The following SYN3 variants were observed in gnomAD, a reference collection of about 807,000 sequenced individuals.
The protein encoded by SYN3 is synapsin III, also known as synapsin-3.
SYN3 carries 35 observed loss-of-function variants against 65.8 expected under a neutral mutation model. That is an observed-to-expected ratio of 0.53 (90% CI 0.41 to 0.70). The LOEUF (loss-of-function observed/expected upper bound fraction) is 0.70. Ranked by LOEUF, SYN3 falls within the 30% of genes least tolerant of loss-of-function variation. SYN3 has a pLI of 0.00. For missense variants in SYN3, 680 were observed against 749.0 expected (o/e 0.91, Z 1.08); for synonymous variants, 270 against 292.9 (o/e 0.92, Z 0.80).
chr22:32,810,287 G>A (rs2046882294), intron 6 of SYN3, among the ~76,000 whole-genome samples: 1 of 152,176 alleles, frequency 6.6e-6, no homozygotes, highest in African/African-American at 2.4e-5. Context: ...TGGCTTTGCT[G>A]TCACAGAAGG....
rs567817394 is a variant in SYN3, at chr22:32,859,343, C to T, written c.711+5572G>A. 58 of 1,612,964 alleles carry T rather than the reference C, an allele frequency of 3.6e-5. No homozygotes were observed. The highest frequency in any genetic ancestry group is 2.2e-4 in the Admixed American group (13 of 60,018). On this transcript the variant is annotated intron_variant, in intron 6 of 13. Coordinates refer to ENST00000358763, the MANE Select transcript of SYN3 (RefSeq NM_003490.4). Reference sequence around the variant, plus strand: ...AGCTGGTACCGAGGATGGGCCCCCCCGGATAAAAGCATCATCAATGCCACA... The same window carrying T: ...AGCTGGTACCGAGGATGGGCCCCCCTGGATAAAAGCATCATCAATGCCACA...
chr22:32,994,862 G>A (rs1031273568), intron 2 of SYN3, among the ~76,000 whole-genome samples: 1 of 152,262 alleles, frequency 6.6e-6, no homozygotes. Flanking sequence ...GCAATTAATT[G>A]TTAATAACAG....
chr22:32,707,180 C>T lies in SYN3; in HGVS notation c.712-110444G>A, dbSNP rs556713148. 8.3e-4 allele frequency among the ~76,000 whole-genome samples: 127 copies of T among 152,208 alleles called. 1 individual carries two copies. Among genetic ancestry groups the T allele is most frequent in the Admixed American group, 3.1e-3 (47 of 15,292 alleles). ...GATGGGTAATGAATGAATGAGAGAA[C>T]GCATAAAGACTCTCAGTCCCAGACT... On this transcript the variant is annotated intron_variant, in intron 6 of 13. Transcript: ENST00000358763.
intron 6 of SYN3, among the ~76,000 whole-genome samples, chr22:32,703,201 G>C (rs548778326): frequency 6.6e-6 from 1 of 152,232 alleles, no homozygotes; most frequent in Admixed American, 6.5e-5. Flanking sequence ...TTTTCCTTAA[G>C]AGGTAGACTT....
intron 3 of SYN3, among the ~76,000 whole-genome samples, chr22:32,978,570 CT>C (rs2052278078): frequency 6.6e-6 from 1 of 152,160 alleles, no homozygotes; most frequent in Non-Finnish European, 1.5e-5. Flanking sequence ...CCTATCCATT[CT>C]TTGATCTATT....
intron 6 of SYN3, among the ~76,000 whole-genome samples, chr22:32,826,875 C>G (rs906111490): frequency 2.0e-5 from 3 of 152,160 alleles, no homozygotes; most frequent in African/African-American, 4.8e-5. Flanking sequence ...TGTGACAACC[C>G]TAGGAGCCTG....
In SYN3 at chr22:32,874,241, T is replaced by C. The variant is rs571133905; in HGVS notation, c.462-5116A>G. Among the ~76,000 whole-genome samples, 14 of 152,350 alleles carry C rather than the reference T, an allele frequency of 9.2e-5. No homozygotes were observed. In the East Asian group the frequency reaches 2.1e-3, roughly 23 times the overall value. On this transcript the variant is annotated intron_variant, in intron 4 of 13. Transcript: ENST00000358763. Reference sequence around the variant, plus strand: ...GCCCAAGACCTGGGTCTCTCGTGCCTGGGTAAGGTCTCCTTTAATCTCACA... The same window carrying C: ...GCCCAAGACCTGGGTCTCTCGTGCCCGGGTAAGGTCTCCTTTAATCTCACA...
chr22:32,921,001 A>T (rs1307095812), intron 4 of SYN3, among the ~76,000 whole-genome samples: 1 of 152,002 alleles, frequency 6.6e-6, no homozygotes, highest in Non-Finnish European at 1.5e-5. Context: ...TAGAAATTCT[A>T]TTCTCTCCTT....
chr22:32,555,264 G>C (rs1461256578), intron 7 of SYN3, among the ~76,000 whole-genome samples: 1 of 152,196 alleles, frequency 6.6e-6, no homozygotes, highest in Non-Finnish European at 1.5e-5. Context: ...AAGGCTAATA[G>C]GGAATAATGC....
chr22:32,726,139 G>A (rs1341071204), intron 6 of SYN3, among the ~76,000 whole-genome samples: 1 of 128,698 alleles, frequency 7.8e-6, no homozygotes, highest in Non-Finnish European at 1.6e-5. Context: ...TAGTAATCCA[G>A]TATAGATTTT....
At chr22:32,551,812 C>T (rs1277349682) in intron 7 of SYN3, among the ~76,000 whole-genome samples, 1 of 152,126 alleles carries the variant, frequency 6.6e-6, no homozygotes, top group African/African-American at 2.4e-5. Flanking sequence ...TTAAAATATT[C>T]CAGTGATCTA....
At chr22:33,046,856 A>T (rs993790679) in intron 1 of SYN3, among the ~76,000 whole-genome samples, 1 of 150,730 alleles carries the variant, frequency 6.6e-6, no homozygotes, top group African/African-American at 2.4e-5. Context: ...AAAAAAAAAA[A>T]AAAAAAAAAA....
chr22:32,802,058 G>C, intron 6 of SYN3: 1 of 1,576,672 alleles, frequency 6.3e-7, no homozygotes, highest in Non-Finnish European at 8.6e-7. Flanking sequence ...TGGGGGACTG[G>C]GGCGCCGAGG....
chr22:32,916,108 A>AT (rs2050179307), intron 4 of SYN3, among the ~76,000 whole-genome samples: 1 of 152,232 alleles, frequency 6.6e-6, no homozygotes, highest in Admixed American at 6.5e-5. Context: ...CTGAGACCAC[A>AT]TGGCTGTGAG....
intron 6 of SYN3, among the ~76,000 whole-genome samples, chr22:32,773,676 G>A (rs1602113012): frequency 1.3e-5 from 2 of 152,286 alleles, no homozygotes; most frequent in Non-Finnish European, 1.5e-5. Flanking sequence ...GCACCCACTG[G>A]TCTATTGTAT....
chr22:32,751,363 A>G (rs1325619187), intron 6 of SYN3, among the ~76,000 whole-genome samples: 1 of 152,178 alleles, frequency 6.6e-6, no homozygotes, highest in Non-Finnish European at 1.5e-5. Flanking sequence ...TTAACTCAGA[A>G]TTCCAGGGGA....
At chr22:33,028,655 G>GTGA in intron 1 of SYN3, among the ~76,000 whole-genome samples, 1 of 105,566 alleles carries the variant, frequency 9.5e-6, no homozygotes. Context: ...GGTGGTGGTG[G>GTGA]TGGTGGTGGT....
At chr22:32,608,739 C>T (rs984352357) in intron 6 of SYN3, among the ~76,000 whole-genome samples, 1 of 152,170 alleles carries the variant, frequency 6.6e-6, no homozygotes, top group Non-Finnish European at 1.5e-5. Context: ...CTTAGCCTTT[C>T]CAGTCTCAGC....
chr22:32,682,439 A>G (rs917505207), intron 6 of SYN3, among the ~76,000 whole-genome samples: 1 of 152,150 alleles, frequency 6.6e-6, no homozygotes, highest in African/African-American at 2.4e-5. Context: ...CAAGGGAGGA[A>G]GCAGGGACAC....
Sources: allele counts gnomAD v4.1 joint callset (sites outside exome capture counted in the v4.1 genomes callset), GRCh38; gene constraint gnomAD v4.1.1; transcripts MANE v1.5; gene names NCBI Gene and HGNC (gene_info 2026-07-23, HGNC 2026-07-21).